The following DNAJC5 variants were observed in gnomAD, a reference collection of about 807,000 sequenced individuals.
The protein encoded by DNAJC5 is DnaJ heat shock protein family (Hsp40) member C5.
DNAJC5 carries 1 observed loss-of-function variant against 23.2 expected under a neutral mutation model. The observed-to-expected ratio is 0.04, with a 90% CI of 0.02 to 0.20. DNAJC5 has a LOEUF of 0.20. Among genes scored for constraint, DNAJC5 ranks in the 10% least tolerant of loss-of-function variants. DNAJC5 has a pLI of 1.00. For synonymous variants in DNAJC5, 136 were observed against 120.0 expected (o/e 1.13, Z -0.87); for missense variants, 180 against 267.0 (o/e 0.67, Z 2.27).
At chr20:63,901,063 C>G (rs142564411) in intron 1 of DNAJC5, among the ~76,000 whole-genome samples, 2 of 152,342 alleles carry the variant, frequency 1.3e-5, no homozygotes, top group African/African-American at 4.8e-5. Context: ...CTCCCGGGTT[C>G]AAGTGATTCT....
rs1555880229 is a variant in DNAJC5, at chr20:63,930,856, G to A, written c.327G>A (p.Leu109=). 2 of 1,612,836 alleles carry A rather than the reference G, an allele frequency of 1.2e-6. No homozygotes were observed. Among genetic ancestry groups the A allele is most frequent in the East Asian group, 4.5e-5 (2 of 44,890 alleles). The change falls in exon 4 of 5, where the codon CTG becomes CTA. Residue 109 remains leucine, a synonymous_variant. Transcript: ENST00000360864. ...FVLSSWWAKA[L]FVFCGLLTCC... ...CCACCTTCTTCTCCCCCCAGGCCCT[G>A]TTTGTCTTCTGCGGCCTCCTCACGT...
At position 63,927,547 on chromosome 20, in the gene DNAJC5, A is replaced by C. The variant is rs919375603; in HGVS notation, c.-11-788A>C. ...AAGAGCAAAACTGTCCCCCCCCCCA[A>C]AAAAGAAAGAAAGAAACTGTGTGTT... On this transcript the variant is annotated intron_variant, in intron 1 of 4. Coordinates refer to ENST00000360864, the MANE Select transcript of DNAJC5 (RefSeq NM_025219.3). 7.2e-5 allele frequency among the ~76,000 whole-genome samples: 10 copies of C among 139,428 alleles called. 1 individual carries two copies. In the South Asian group the frequency reaches 1.3e-3, roughly 17 times the overall value. The allele number at this position is 139,428 out of a possible 152,430, so 91.5% of individuals were successfully genotyped here.
At position 63,934,203 on chromosome 20, in the gene DNAJC5, G is replaced by T. The variant is rs2053698017; in HGVS notation, c.*2635G>T. 1 of 152,240 alleles carries T rather than the reference G, an allele frequency of 6.6e-6. No homozygotes were observed. The highest frequency in any genetic ancestry group is 2.4e-5 in the African/African-American group (1 of 41,454). The allele number at this position is 152,240 out of a possible 1,614,324, so 9.4% of individuals were successfully genotyped here. Reference sequence around the variant, plus strand: ...AATTTAAGGAAAAAGATCCTCCCGGGTTTTATTTCTCTCTTTCTTGAGTGG... The same window carrying T: ...AATTTAAGGAAAAAGATCCTCCCGGTTTTTATTTCTCTCTTTCTTGAGTGG... On this transcript the variant is annotated 3_prime_UTR_variant, in exon 5 of 5. Transcript: ENST00000360864.
intron 1 of DNAJC5, among the ~76,000 whole-genome samples, chr20:63,904,192 G>GT (rs1270361847): frequency 1.3e-5 from 2 of 152,168 alleles, no homozygotes; most frequent in African/African-American, 4.8e-5. Context: ...GTCTTAAACA[G>GT]TTTTTTAGAT....
rs1461079137 is a variant in DNAJC5, at chr20:63,932,675, C to T, written c.*1107C>T. 5 of 152,346 alleles carry T rather than the reference C, an allele frequency of 3.3e-5. No individual in the cohort carries two copies. The highest frequency in any genetic ancestry group is 6.5e-5 in the Admixed American group (1 of 15,276). 9.4% of individuals were successfully genotyped at this position (152,346 alleles called of 1,614,324 possible). On this transcript the variant is annotated 3_prime_UTR_variant, in exon 5 of 5. Coordinates refer to ENST00000360864, the MANE Select transcript of DNAJC5 (RefSeq NM_025219.3). The surrounding 1 kb of genome is among the most constrained non-coding windows in gnomAD (Gnocchi z 4.4). ...TCGATGATTCAGGCAGAGCCAGATT[C>T]GTTAGGTCCCTGGAGGAAGGACTGA... is the stretch of plus-strand genomic sequence containing the variant.
chr20:63,906,098 G>A (rs1348667881), intron 1 of DNAJC5, among the ~76,000 whole-genome samples: 1 of 152,090 alleles, frequency 6.6e-6, no homozygotes, highest in Non-Finnish European at 1.5e-5. Flanking sequence ...AATAATTAAT[G>A]TGTCTTCAAG....
intron 1 of DNAJC5, among the ~76,000 whole-genome samples, chr20:63,919,221 C>T (rs141208932): frequency 4.3e-4 from 65 of 152,376 alleles, no homozygotes; most frequent in East Asian, 1.9e-3. Flanking sequence ...ACCTGCTAAA[C>T]TGCAAGCTGC....
chr20:63,902,514 G>A lies in DNAJC5; in HGVS notation c.-12+7191G>A, dbSNP rs527465296. Among the ~76,000 whole-genome samples the A allele has an allele frequency of 9.3e-5, 14 of 149,938 alleles. No individual in the cohort carries two copies. The East Asian group carries it at 1.2e-3, about 13-fold the overall frequency. The stretch of plus-strand genomic sequence containing the variant: ...CTCCTGAGTAGCTGGGATTACAGGC[G>A]TGTGCCACCACACCCAGCTAATTTT... On this transcript the variant is annotated intron_variant, in intron 1 of 4. Coordinates refer to ENST00000360864, the MANE Select transcript of DNAJC5 (RefSeq NM_025219.3).
intron 1 of DNAJC5, among the ~76,000 whole-genome samples, chr20:63,901,596 C>T (rs936532287): frequency 2.6e-5 from 4 of 152,242 alleles, no homozygotes; most frequent in South Asian, 4.1e-4. Context: ...GCCTCTACCC[C>T]GGACGAGGCT....
chr20:63,917,796 A>G (rs1299533492), intron 1 of DNAJC5, among the ~76,000 whole-genome samples: 1 of 152,166 alleles, frequency 6.6e-6, no homozygotes, highest in African/African-American at 2.4e-5. Flanking sequence ...ACCTCAAGCC[A>G]TCTGCCCACC....
intron 1 of DNAJC5, among the ~76,000 whole-genome samples, chr20:63,915,084 G>A (rs1310193567): frequency 6.6e-6 from 1 of 152,162 alleles, no homozygotes; most frequent in Non-Finnish European, 1.5e-5. Context: ...GAGACGGGCT[G>A]CTCCATGGAT....
In DNAJC5 at chr20:63,931,058, G is replaced by T; in HGVS notation, c.493+36G>T. On this transcript the variant is annotated intron_variant, in intron 4 of 4. Transcript: ENST00000360864. The surrounding 1 kb of genome is among the most constrained non-coding windows in gnomAD (Gnocchi z 9.6). ...GCCCCAGGGCCCGTGTGTGTGTGTGGGGCAGAGCCAGAATGGGCCCTGAAT... is the reference window on the plus strand; with the variant it reads ...GCCCCAGGGCCCGTGTGTGTGTGTGTGGCAGAGCCAGAATGGGCCCTGAAT... The T allele has an allele frequency of 1.2e-6, 2 of 1,600,652 alleles. No individual in the cohort carries two copies. Among genetic ancestry groups the T allele is most frequent in the African/African-American group, 1.3e-5 (1 of 74,834 alleles).
At chr20:63,917,464 G>A (rs2053522528) in intron 1 of DNAJC5, among the ~76,000 whole-genome samples, 1 of 152,140 alleles carries the variant, frequency 6.6e-6, no homozygotes, top group Non-Finnish European at 1.5e-5. Context: ...TGTTGTCCAG[G>A]CTGGTCTCAA....
At chr20:63,919,393 T>G (rs753306891) in intron 1 of DNAJC5, 1 of 494,248 alleles carries the variant, frequency 2.0e-6, no homozygotes, top group African/African-American at 2.0e-5. Context: ...CACCCGGCTG[T>G]GTGGACATGT....
At chr20:63,925,795 A>G (rs1195539732) in intron 1 of DNAJC5, among the ~76,000 whole-genome samples, 1 of 151,566 alleles carries the variant, frequency 6.6e-6, no homozygotes, top group Non-Finnish European at 1.5e-5. Flanking sequence ...ATTTGGTTAA[A>G]AAAAAAATCT....
chr20:63,902,675 GTT>G (rs35872737), intron 1 of DNAJC5, among the ~76,000 whole-genome samples: 1 of 108,152 alleles, frequency 9.2e-6, no homozygotes, highest in Non-Finnish European at 1.8e-5. Context: ...GCCTCATCTT[GTT>G]TTTTTTTTTT....
intron 1 of DNAJC5, among the ~76,000 whole-genome samples, chr20:63,905,258 GGT>G: frequency 6.6e-6 from 1 of 151,800 alleles, no homozygotes; most frequent in East Asian, 1.9e-4. Flanking sequence ...TGGAACTGCA[GGT>G]GTGCACCACC....
chr20:63,903,077 ATCC>A (rs1165018881), intron 1 of DNAJC5, among the ~76,000 whole-genome samples: 1 of 152,090 alleles, frequency 6.6e-6, no homozygotes. Context: ...GGCCCAAGCA[ATCC>A]TCCTATCTCA....
intron 1 of DNAJC5, among the ~76,000 whole-genome samples, chr20:63,918,700 A>C (rs185577869): frequency 1.3e-5 from 2 of 152,204 alleles, no homozygotes; most frequent in Admixed American, 1.3e-4. Flanking sequence ...GGTTTACACC[A>C]TTCTCCGCCT....
Sources: allele counts gnomAD v4.1 joint callset (sites outside exome capture counted in the v4.1 genomes callset), GRCh38; gene constraint gnomAD v4.1.1; non-coding constraint Gnocchi (gnomAD v3.1); transcripts MANE v1.5; gene names NCBI Gene and HGNC (gene_info 2026-07-23, HGNC 2026-07-21).